MSTO1: variants seen among roughly 807,000 people sequenced by gnomAD.
The protein encoded by MSTO1 is misato mitochondrial distribution and morphology regulator 1.
A neutral mutation model predicts 55.7 loss-of-function variants in MSTO1; 24 were observed. That is an observed-to-expected ratio of 0.43 (90% CI 0.31 to 0.61). The LOEUF is 0.61. Among genes scored for constraint, MSTO1 ranks in the 20% least tolerant of loss-of-function variants. MSTO1 has a pLI of 0.09. For missense variants in MSTO1, 363 were observed against 625.7 expected (o/e 0.58, Z 4.48); for synonymous variants, 162 against 252.8 (o/e 0.64, Z 3.41).
chr1:155,612,506 C>A lies in MSTO1; in HGVS notation c.902C>A (p.Ser301Tyr), dbSNP rs1369814493. The change falls in exon 9 of 14, where the codon TCC becomes TAC. Residue 301 changes from serine to tyrosine, a missense_variant. Ser to Tyr is a moderately radical substitution (Grantham distance 144). This residue lies in a region of MSTO1 where 231 missense variants were observed against 286.9 expected (regional missense o/e 0.81). Coordinates refer to ENST00000245564, the MANE Select transcript of MSTO1 (RefSeq NM_018116.4). ...TAHSSLVCPLSLGGSLGLRPE... is the reference protein window; with the variant it reads ...TAHSSLVCPLYLGGSLGLRPE... ...CACAGCTCTCTTGTCTGCCCCTTGT[C>A]CTTGGGTGGGAGCCTGGGCCTGCGA... is the stretch of plus-strand genomic sequence containing the variant. The A allele has an allele frequency of 6.2e-7, 1 of 1,613,956 alleles. No individual in the cohort carries two copies. The highest frequency in any genetic ancestry group is 8.5e-7 in the Non-Finnish European group (1 of 1,179,998).
the MSTO1 span, among the ~76,000 whole-genome samples, chr1:155,593,686 G>A: frequency 2.4e-4 from 37 of 152,062 alleles, 1 homozygote; most frequent in Non-Finnish European, 4.3e-4. Flanking sequence ...ATTGCCATTC[G>A]GGCCGGGTGC....
At chr1:155,592,000 G>A in the MSTO1 span, among the ~76,000 whole-genome samples, 4 of 152,080 alleles carry the variant, frequency 2.6e-5, no homozygotes, top group Admixed American at 2.6e-4. Context: ...ACCACCTTGT[G>A]GCCCTTGAAT....
At chr1:155,602,129 C>T in the MSTO1 span, 10 of 708,494 alleles carry the variant, frequency 1.4e-5, no homozygotes, top group African/African-American at 3.5e-5. Flanking sequence ...CAACAAACAG[C>T]GCTTTGATCA....
chr1:155,589,945 AT>A, the MSTO1 span, among the ~76,000 whole-genome samples: 202 of 136,938 alleles, frequency 1.5e-3, no homozygotes, highest in South Asian at 4.3e-3. Flanking sequence ...TTGACACTTA[AT>A]TTTTTTTTTT....
upstream of MSTO1, chr1:155,609,956 G>A: frequency 2.2e-6 from 1 of 456,808 alleles, no homozygotes; most frequent in Non-Finnish European, 3.9e-6. Flanking sequence ...CCGCGCCCTG[G>A]CGGCCCCAAG....
At chr1:155,606,448 G>A (rs1182675474), upstream of MSTO1, among the ~76,000 whole-genome samples, 11 of 150,556 alleles carry the variant, frequency 7.3e-5, no homozygotes, top group Non-Finnish European at 1.0e-4. Flanking sequence ...AGGCTGGAGC[G>A]CAATGACATG....
the MSTO1 span, among the ~76,000 whole-genome samples, chr1:155,595,084 G>A: frequency 6.8e-6 from 1 of 147,282 alleles, no homozygotes; most frequent in East Asian, 2.1e-4. Context: ...GGTGCAGTGA[G>A]CCAAGATCAT....
chr1:155,582,017 A>G, the MSTO1 span, among the ~76,000 whole-genome samples: 1 of 148,754 alleles, frequency 6.7e-6, no homozygotes, highest in Non-Finnish European at 1.5e-5. Flanking sequence ...GTGCAATGGC[A>G]TGATCTCGGC....
In MSTO1 at chr1:155,611,573, T is replaced by C; in HGVS notation, c.391T>C (p.Trp131Arg). The C allele has an allele frequency of 6.4e-7, 1 of 1,573,068 alleles. No homozygotes were observed. The highest frequency in any genetic ancestry group is 1.1e-5 in the South Asian group (1 of 89,392). Residue 131 changes from tryptophan to arginine, a missense_variant, in exon 5 of 14, where the codon TGG (tryptophan) becomes CGG (arginine). This residue lies in a region of MSTO1 where 94 missense variants were observed against 212.4 expected (regional missense o/e 0.44). Transcript: ENST00000245564. ...AEGVLSSDGV[W>R]RVKSIPNGKG... is the part of the protein sequence containing the mutation. ...GGGAGTGCTGAGTAGTGATGGTGTC[T>C]GGAGGGTCAAATCCATTCCCAATGG... is the stretch of plus-strand genomic sequence containing the variant.
At chr1:155,563,723 C>T in the MSTO1 span, 1 of 364,238 alleles carries the variant, frequency 2.7e-6, no homozygotes, top group South Asian at 2.1e-5. Flanking sequence ...AGTTCCTTAT[C>T]AAAAAGTGTA....
the MSTO1 span, among the ~76,000 whole-genome samples, chr1:155,584,440 G>A: frequency 1.3e-5 from 2 of 152,004 alleles, no homozygotes; most frequent in Non-Finnish European, 2.9e-5. Flanking sequence ...GCTGAGACAG[G>A]AAGATCGCTT....
At chr1:155,599,284 A>G in the MSTO1 span, among the ~76,000 whole-genome samples, 1 of 152,224 alleles carries the variant, frequency 6.6e-6, no homozygotes, top group African/African-American at 2.4e-5. Context: ...TTACAAGGTG[A>G]AGTCAATGTG....
In MSTO1 at chr1:155,610,440, C is replaced by T. The variant is rs1673617254; in HGVS notation, c.100C>T (p.Arg34Ter). Reference protein sequence around the residue: ...WWNQQDAALGRATDSKEPPGE... With the variant: ...WWNQQDAALG ...GCTTCCCCAGGATGCTGCGCTGGGCCGAGCGACCGATTCCAAGGAGCCCCC... is the reference window on the plus strand; with the variant it reads ...GCTTCCCCAGGATGCTGCGCTGGGCTGAGCGACCGATTCCAAGGAGCCCCC... The change falls in exon 2 of 14, where the codon CGA (arginine) becomes TGA (stop). Residue 34 changes from arginine (R) to a stop codon, truncating the protein, a stop_gained. Coordinates refer to ENST00000245564, the MANE Select transcript of MSTO1 (RefSeq NM_018116.4). LOFTEE classifies it high-confidence loss of function. 4 of 856,252 alleles carry T rather than the reference C, an allele frequency of 4.7e-6. No individual in the cohort carries two copies. In the Admixed American group the frequency reaches 6.5e-5, roughly 14 times the overall value. The allele number at this position is 856,252 out of a possible 1,614,324, so 53.0% of individuals were successfully genotyped here. A position where few individuals can be genotyped will look rare whatever the true frequency, so the allele number is the denominator to read the frequency against.
At chr1:155,600,045 T>C in the MSTO1 span, among the ~76,000 whole-genome samples, 5 of 152,170 alleles carry the variant, frequency 3.3e-5, no homozygotes, top group African/African-American at 1.2e-4. Context: ...GCAAGAGGCA[T>C]GCCTTCCTCT....
At chr1:155,607,325 C>A (rs1160942112), upstream of MSTO1, among the ~76,000 whole-genome samples, 1 of 151,904 alleles carries the variant, frequency 6.6e-6, no homozygotes, top group East Asian at 1.9e-4. Context: ...CAGGCACGTG[C>A]CACCACGCCC....
the MSTO1 span, among the ~76,000 whole-genome samples, chr1:155,587,676 G>T: frequency 6.7e-6 from 1 of 149,264 alleles, no homozygotes; most frequent in African/African-American, 2.5e-5. Flanking sequence ...CCCGGGAGGC[G>T]GAGCTTGCAG....
At chr1:155,608,981 G>C (rs935220759), upstream of MSTO1, among the ~76,000 whole-genome samples, 1 of 149,546 alleles carries the variant, frequency 6.7e-6, no homozygotes, top group Non-Finnish European at 1.5e-5. Context: ...CCGCCACCAC[G>C]CCCGGCTACA....
At chr1:155,567,233 C>T in the MSTO1 span, among the ~76,000 whole-genome samples, 1 of 151,842 alleles carries the variant, frequency 6.6e-6, no homozygotes, top group African/African-American at 2.4e-5. Flanking sequence ...AAGTGATTCT[C>T]CCGCCTCAGC....
At chr1:155,606,637 C>T (rs1672940197), upstream of MSTO1, among the ~76,000 whole-genome samples, 1 of 151,892 alleles carries the variant, frequency 6.6e-6, no homozygotes, top group Admixed American at 6.6e-5. Flanking sequence ...CAGGTGATCG[C>T]CTGCCTCAGC....
Sources: allele counts gnomAD v4.1 joint callset (sites outside exome capture counted in the v4.1 genomes callset), GRCh38; gene constraint gnomAD v4.1.1; regional missense constraint gnomAD v4.1.1; transcripts MANE v1.5; gene names NCBI Gene and HGNC (gene_info 2026-07-23, HGNC 2026-07-21).